The following ARHGAP29 variants were observed in gnomAD, a reference collection of about 807,000 sequenced individuals.
The protein encoded by ARHGAP29 is rho GTPase-activating protein 29.
ARHGAP29 carries 43 observed loss-of-function variants against 122.6 expected under a neutral mutation model. The ratio of observed to expected loss-of-function variants is 0.35; its 90% confidence interval spans 0.27 to 0.45. The LOEUF is 0.45. Among genes scored for constraint, ARHGAP29 ranks in the 20% least tolerant of loss-of-function variants. ARHGAP29 has a pLI of 1.00. For missense variants in ARHGAP29, 1,303 were observed against 1,477.2 expected (o/e 0.88, Z 1.93); for synonymous variants, 506 against 497.1 (o/e 1.02, Z -0.24).
At chr1:94,262,605 A>G (rs1458237866) in intron 1 of ARHGAP29, among the ~76,000 whole-genome samples, 1 of 152,162 alleles carries the variant, frequency 6.6e-6, no homozygotes, top group Non-Finnish European at 1.5e-5. Flanking sequence ...ATGAGCAGAC[A>G]TTTCAGAAAA....
At chr1:94,263,834 C>G (rs1654653297) in intron 1 of ARHGAP29, among the ~76,000 whole-genome samples, 1 of 152,128 alleles carries the variant, frequency 6.6e-6, no homozygotes, top group Non-Finnish European at 1.5e-5. Flanking sequence ...ATAATATAAA[C>G]ATTTTCCCAT....
chr1:94,283,972 T>G, the ARHGAP29 span, among the ~76,000 whole-genome samples: 1 of 152,064 alleles, frequency 6.6e-6, no homozygotes, highest in Non-Finnish European at 1.5e-5. Flanking sequence ...CTTACTTGTT[T>G]GAAAAACAGA....
At chr1:94,305,630 A>G in the ARHGAP29 span, among the ~76,000 whole-genome samples, 1 of 152,208 alleles carries the variant, frequency 6.6e-6, no homozygotes, top group African/African-American at 2.4e-5. Flanking sequence ...GAAGACTTGA[A>G]TCAAGAACTC....
At chr1:94,197,771 G>T (rs1216482269) in intron 12 of ARHGAP29, among the ~76,000 whole-genome samples, 1 of 152,118 alleles carries the variant, frequency 6.6e-6, no homozygotes, top group Non-Finnish European at 1.5e-5. Context: ...AAATAATGCA[G>T]AAAAATATTT....
At chr1:94,222,078 T>C (rs1269412508) in intron 2 of ARHGAP29, among the ~76,000 whole-genome samples, 1 of 151,778 alleles carries the variant, frequency 6.6e-6, no homozygotes, top group East Asian at 1.9e-4. Context: ...TGGCCAAAGC[T>C]GGAACAATGT....
At chr1:94,293,203 C>G in the ARHGAP29 span, among the ~76,000 whole-genome samples, 1 of 152,232 alleles carries the variant, frequency 6.6e-6, no homozygotes, top group Non-Finnish European at 1.5e-5. Context: ...CCTCTCCCCC[C>G]ATCAAGGTCC....
At chr1:94,227,440 T>C (rs1652674182) in intron 2 of ARHGAP29, among the ~76,000 whole-genome samples, 1 of 151,664 alleles carries the variant, frequency 6.6e-6, no homozygotes, top group Admixed American at 6.6e-5. Context: ...TAAGGCACCA[T>C]AGTCACAAAC....
At chr1:94,194,120 C>T (rs1650296204) in intron 12 of ARHGAP29, 2 of 152,042 alleles carry the variant, frequency 1.3e-5, no homozygotes, top group African/African-American at 4.8e-5. Context: ...AAGTGTGCAA[C>T]CATTTTTTTT....
At chr1:94,289,586 G>A in the ARHGAP29 span, among the ~76,000 whole-genome samples, 35,514 of 152,132 alleles carry the variant, frequency 0.23, 4,383 homozygotes, top group East Asian at 0.46. Flanking sequence ...CAAAGGGAAT[G>A]CTTCCAGTTT....
intron 1 of ARHGAP29, among the ~76,000 whole-genome samples, chr1:94,272,731 C>T (rs373603181): frequency 1.2e-4 from 18 of 152,296 alleles, no homozygotes; most frequent in African/African-American, 3.6e-4. Context: ...TCTCCTTCCA[C>T]GGAGGTCAGA....
intron 3 of ARHGAP29, among the ~76,000 whole-genome samples, chr1:94,218,780 CTA>C (rs1018898457): frequency 1.2e-4 from 19 of 152,106 alleles, no homozygotes; most frequent in African/African-American, 4.6e-4. Flanking sequence ...CATGATAAAT[CTA>C]TGTCAAAAAG....
rs1040512248 is a variant in ARHGAP29 at position 94,169,579 on chromosome 1, C to T, written c.*4290G>A. Among the ~76,000 whole-genome samples the T allele has an allele frequency of 5.9e-5, 9 of 152,244 alleles. No homozygotes were observed. The highest frequency in any genetic ancestry group is 1.3e-4 in the Admixed American group (2 of 15,292). ...CAATGTGAACTCAAAGTTTTCAATA[C>T]GTATGTATATAAATAGATATAGAAG... On this transcript the variant is annotated 3_prime_UTR_variant, in exon 23 of 23. Coordinates refer to ENST00000260526, the MANE Select transcript of ARHGAP29 (RefSeq NM_004815.4).
intron 1 of ARHGAP29, among the ~76,000 whole-genome samples, chr1:94,233,865 A>C (rs1332447723): frequency 6.6e-6 from 1 of 152,194 alleles, no homozygotes; most frequent in Non-Finnish European, 1.5e-5. Context: ...GGTGCAACTC[A>C]CCAACTTGGT....
chr1:94,206,613 C>A (rs541119737), intron 5 of ARHGAP29, among the ~76,000 whole-genome samples: 1 of 152,078 alleles, frequency 6.6e-6, no homozygotes, highest in Non-Finnish European at 1.5e-5. Context: ...CATATTGCAA[C>A]AGGCCAGGTG....
chr1:94,174,122 C>T lies in ARHGAP29; in HGVS notation c.3533G>A (p.Gly1178Glu). ...KPHAPIISIR[G>E]NEEKPASPSA... is the part of the protein sequence containing the mutation. ...GGGTGAAGCTGGCTTCTCCTCATTC[C>T]CCCTGATACTGATGATGGGAGCATG... Residue 1178 changes from glycine (G) to glutamate (E), a missense_variant, in exon 23 of 23, where the codon GGG becomes GAG. By Grantham distance (98) the Gly-to-Glu change is moderately conservative. Around this residue, in one of 3 missense-constraint regions of ARHGAP29, gnomAD observed 620 missense variants for 651.2 expected, o/e 0.95. Coordinates refer to ENST00000260526, the MANE Select transcript of ARHGAP29 (RefSeq NM_004815.4). 2 of 1,614,134 alleles carry T rather than the reference C, an allele frequency of 1.2e-6. No homozygotes were observed. The highest frequency in any genetic ancestry group is 8.5e-7 in the Non-Finnish European group (1 of 1,180,036).
intron 1 of ARHGAP29, among the ~76,000 whole-genome samples, chr1:94,267,322 C>T (rs915733701): frequency 6.6e-6 from 1 of 152,184 alleles, no homozygotes; most frequent in African/African-American, 2.4e-5. Flanking sequence ...CCAAAGGCTA[C>T]AGTGTCACAA....
intron 12 of ARHGAP29, among the ~76,000 whole-genome samples, chr1:94,196,330 C>A (rs1207797779): frequency 7.8e-6 from 1 of 128,120 alleles, no homozygotes; most frequent in Non-Finnish European, 1.6e-5. Context: ...GGCGCGATCT[C>A]GGCTCACTGC....
At chr1:94,216,662 CTTTT>C (rs1421764863) in intron 3 of ARHGAP29, among the ~76,000 whole-genome samples, 1 of 152,044 alleles carries the variant, frequency 6.6e-6, no homozygotes, top group Non-Finnish European at 1.5e-5. Context: ...ACTTATTTTT[CTTTT>C]TTGTTTACCA....
chr1:94,186,416 T>G, intron 16 of ARHGAP29, 83 bp downstream of exon 16: 2 of 995,624 alleles, frequency 2.0e-6, no homozygotes, highest in Non-Finnish European at 3.0e-6. Flanking sequence ...ATTGATTCTT[T>G]AAAATTATAC....
Sources: gnomAD v4.1 joint callset for allele counts (sites outside exome capture counted in the v4.1 genomes callset) on GRCh38, gnomAD v4.1.1 for gene constraint, gnomAD v4.1.1 regional missense constraint, MANE v1.5 for transcripts, NCBI Gene and HGNC (gene_info 2026-07-23, HGNC 2026-07-21) for gene names.